The following HIVEP1 variants were observed in gnomAD, a reference collection of about 807,000 sequenced individuals.
HIVEP1 encodes HIVEP zinc finger 1.
Under a neutral mutation model 180.0 loss-of-function variants are expected in HIVEP1, and 36 were observed. The ratio of observed to expected loss-of-function variants is 0.20; its 90% CI spans 0.15 to 0.26. The LOEUF (loss-of-function observed/expected upper bound fraction) is 0.26, where lower values mean the gene tolerates loss of function less well. Ranked by LOEUF, HIVEP1 falls within the 10% of genes least tolerant of loss-of-function variation. The pLI is 1.00. For synonymous variants in HIVEP1, 1,239 were observed against 1,239.0 expected (o/e 1.00, Z 0.00); for missense variants, 3,143 against 3,268.7 (o/e 0.96, Z 0.94).
the HIVEP1 span, among the ~76,000 whole-genome samples, chr6:12,178,354 C>T: frequency 1.1e-4 from 17 of 152,210 alleles, no homozygotes; most frequent in African/African-American, 2.4e-4. Flanking sequence ...TTTGAGAGAC[C>T]GAGGTGGGAG....
chr6:12,084,256 G>A (rs1489905927), intron 2 of HIVEP1, among the ~76,000 whole-genome samples: 2 of 152,126 alleles, frequency 1.3e-5, no homozygotes, highest in African/African-American at 2.4e-5. Context: ...TTAGCACAGA[G>A]TTGAGTCTTT....
intron 3 of HIVEP1, among the ~76,000 whole-genome samples, chr6:12,115,166 C>T (rs925077086): frequency 4.6e-5 from 7 of 152,074 alleles, no homozygotes; most frequent in Non-Finnish European, 8.8e-5. Flanking sequence ...AATCTGTTTG[C>T]TTTTAATCTG....
At chr6:12,118,460 A>G (rs1474617969) in intron 3 of HIVEP1, among the ~76,000 whole-genome samples, 1 of 152,240 alleles carries the variant, frequency 6.6e-6, no homozygotes, top group East Asian at 1.9e-4. Context: ...AAAGTAAATC[A>G]TGGCAAGTAA....
chr6:12,066,642 G>T (rs936753037), intron 2 of HIVEP1, among the ~76,000 whole-genome samples: 1 of 152,186 alleles, frequency 6.6e-6, no homozygotes, highest in African/African-American at 2.4e-5. Flanking sequence ...CAAAGCATAT[G>T]AATTTTTTGA....
At chr6:12,017,314 C>G (rs960099600) in intron 2 of HIVEP1, among the ~76,000 whole-genome samples, 1 of 152,112 alleles carries the variant, frequency 6.6e-6, no homozygotes, top group Non-Finnish European at 1.5e-5. Context: ...TTAAAGGTAG[C>G]GTGTCCACAG....
At chr6:12,099,514 C>T (rs191569420) in intron 3 of HIVEP1, among the ~76,000 whole-genome samples, 71 of 152,034 alleles carry the variant, frequency 4.7e-4, no homozygotes, top group Non-Finnish European at 8.4e-4. Flanking sequence ...GCAGGCCCAC[C>T]CCACATCATG....
chr6:12,126,814 T>C (rs574207646), intron 4 of HIVEP1, among the ~76,000 whole-genome samples: 13 of 152,270 alleles, frequency 8.5e-5, no homozygotes, highest in African/African-American at 2.2e-4. Context: ...TTTAGCTAAC[T>C]GTTCAAATTT....
At chr6:12,112,669 T>G (rs961432737) in intron 3 of HIVEP1, among the ~76,000 whole-genome samples, 10 of 150,686 alleles carry the variant, frequency 6.6e-5, no homozygotes, top group African/African-American at 2.4e-4. Flanking sequence ...GCTGGGGGAG[T>G]CCCTGCCCAC....
intron 2 of HIVEP1, among the ~76,000 whole-genome samples, chr6:12,042,502 C>G (rs938879551): frequency 4.0e-5 from 6 of 151,468 alleles, no homozygotes; most frequent in African/African-American, 1.4e-4. Flanking sequence ...GGTGTGTGCC[C>G]CCATACCCTA....
chr6:12,192,728 G>A, the HIVEP1 span, among the ~76,000 whole-genome samples: 7,378 of 152,108 alleles, frequency 0.049, 586 homozygotes, highest in African/African-American at 0.16. Context: ...AGTACAATCC[G>A]TGGAACCATG....
chr6:12,024,647 T>A (rs1011515643), intron 2 of HIVEP1, among the ~76,000 whole-genome samples: 1 of 152,198 alleles, frequency 6.6e-6, no homozygotes, highest in African/African-American at 2.4e-5. Flanking sequence ...AAAGATAGGG[T>A]GAGCATACAA....
At position 12,122,454 on chromosome 6, in the gene HIVEP1, G is replaced by A; in HGVS notation, c.2659G>A (p.Val887Met). The A allele has an allele frequency of 6.2e-7, 1 of 1,614,210 alleles. No homozygotes were observed. The highest frequency in any genetic ancestry group is 2.2e-5 in the East Asian group (1 of 44,888). ...DVFVSGPNAP[V>M]PQSGHPRTLV... ...CTTTGTATCGGGACCTAACGCTCCT[G>A]TGCCCCAGAGTGGGCATCCCCGTAC... Residue 887 changes from valine (V) to methionine (M), a missense_variant, in exon 4 of 9, where the codon GTG becomes ATG. Coordinates refer to ENST00000379388, the MANE Select transcript of HIVEP1 (RefSeq NM_002114.4).
intron 3 of HIVEP1, among the ~76,000 whole-genome samples, chr6:12,106,847 G>A (rs1774460632): frequency 1.3e-5 from 2 of 152,120 alleles, no homozygotes; most frequent in African/African-American, 4.8e-5. Flanking sequence ...ATTGGCATGA[G>A]AGATATTCTT....
chr6:12,021,175 C>T (rs965939783), intron 2 of HIVEP1, among the ~76,000 whole-genome samples: 2 of 152,090 alleles, frequency 1.3e-5, no homozygotes, highest in South Asian at 2.1e-4. Flanking sequence ...CGTGAGCCAC[C>T]GCACCCGGCC....
At chr6:12,043,227 G>A (rs1769889899) in intron 2 of HIVEP1, among the ~76,000 whole-genome samples, 1 of 151,990 alleles carries the variant, frequency 6.6e-6, no homozygotes, top group Admixed American at 6.6e-5. Flanking sequence ...TGATTCTCAA[G>A]TCTCTGTTTT....
chr6:12,065,696 T>TGC (rs1554137761), intron 2 of HIVEP1, among the ~76,000 whole-genome samples: 16 of 142,468 alleles, frequency 1.1e-4, no homozygotes, highest in African/African-American at 2.3e-4. Flanking sequence ...TGTGTGCGTG[T>TGC]GTGTGTGTGT....
chr6:12,171,912 A>G, the HIVEP1 span, among the ~76,000 whole-genome samples: 2 of 152,144 alleles, frequency 1.3e-5, no homozygotes, highest in Non-Finnish European at 2.9e-5. Flanking sequence ...CGGGGAGGCA[A>G]TGCTTAGCTG....
Position 12,122,252 on chromosome 6 carries a change from A to G in HIVEP1, c.2457A>G (p.Lys819=), listed in dbSNP as rs948728655. The G allele has an allele frequency of 4.3e-6, 7 of 1,614,214 alleles. No individual in the cohort carries two copies. The highest frequency in any genetic ancestry group is 5.9e-6 in the Non-Finnish European group (7 of 1,180,034). ...IPKSPFTPTE[K]SKQVFLLSVP... ...AGTCACCTTTCACCCCTACTGAAAA[A>G]TCAAAGCAAGTGTTTCTTCTGTCTG... The change falls in exon 4 of 9, where the codon AAA becomes AAG. Residue 819 remains lysine, a synonymous_variant. Transcript: ENST00000379388.
chr6:12,133,759 G>T (rs1193110540), intron 6 of HIVEP1, among the ~76,000 whole-genome samples: 1 of 152,210 alleles, frequency 6.6e-6, no homozygotes, highest in Non-Finnish European at 1.5e-5. Context: ...AAGGCAGGCA[G>T]ATTGCCTGAG....
Sources: allele counts gnomAD v4.1 joint callset (sites outside exome capture counted in the v4.1 genomes callset), GRCh38; gene constraint gnomAD v4.1.1; transcripts MANE v1.5; gene names NCBI Gene and HGNC (gene_info 2026-07-23, HGNC 2026-07-21).